KAT6B: variants seen among roughly 807,000 people sequenced by gnomAD.
The protein encoded by KAT6B is histone acetyltransferase KAT6B.
KAT6B carries 10 observed loss-of-function variants against 187.5 expected under a neutral mutation model. The observed-to-expected ratio is 0.05, with a 90% CI of 0.03 to 0.09. KAT6B has a LOEUF of 0.09. Ranked by LOEUF, KAT6B falls within the 10% of genes least tolerant of loss-of-function variation. The pLI is 1.00. For synonymous variants in KAT6B, 861 were observed against 926.8 expected, an observed-to-expected ratio of 0.93 and a Z score of 1.29; for missense variants, 1,952 against 2,558.9, an observed-to-expected ratio of 0.76 and a Z score of 5.12.
chr10:74,848,656 T>G (rs189978719), intron 3 of KAT6B, among the ~76,000 whole-genome samples: 91 of 152,210 alleles, frequency 6.0e-4, no homozygotes, highest in African/African-American at 2.0e-3. Context: ...GCCAAAAGAT[T>G]GGACACTCCT....
chr10:75,018,677 C>G (rs1435786739), intron 13 of KAT6B, among the ~76,000 whole-genome samples: 2 of 152,152 alleles, frequency 1.3e-5, no homozygotes, highest in Non-Finnish European at 2.9e-5. Context: ...GGGGCACATA[C>G]CACCTTGGTA....
intron 13 of KAT6B, among the ~76,000 whole-genome samples, chr10:74,995,765 CA>C (rs1331654594): frequency 6.6e-6 from 1 of 152,166 alleles, no homozygotes; most frequent in Non-Finnish European, 1.5e-5. Flanking sequence ...CAATATTTTG[CA>C]GTTTAAAAAG....
At chr10:75,010,019 T>C (rs566429307) in intron 13 of KAT6B, among the ~76,000 whole-genome samples, 9 of 152,048 alleles carry the variant, frequency 5.9e-5, no homozygotes, top group African/African-American at 2.2e-4. Flanking sequence ...AAAAGCTAAG[T>C]CCCTACATGA....
In KAT6B at chr10:75,030,099, C is replaced by T; in HGVS notation, c.5275C>T (p.Pro1759Ser). The stretch of plus-strand genomic sequence containing the variant: ...TCCTCAAGGCTGTGTGGTGGAGAGG[C>T]CTCCGAGCAGCAGCCAGCAGCTGGC... Reference protein sequence around the residue: ...KSPQGCVVERPPSSSQQLAQC... With the variant: ...KSPQGCVVERSPSSSQQLAQC... The change falls in exon 18 of 18, where the codon CCT (proline) becomes TCT (serine). Residue 1759 changes from proline (P) to serine (S), a missense_variant. Pro to Ser is a moderately conservative substitution (Grantham distance 74). Transcript: ENST00000287239. This position sits in a 1 kb window ranked among gnomAD's most constrained non-coding sequence, Gnocchi z 4.8. 1 of 1,614,244 alleles carries T rather than the reference C, an allele frequency of 6.2e-7. No homozygotes were observed. The highest frequency in any genetic ancestry group is 8.5e-7 in the Non-Finnish European group (1 of 1,180,034).
At chr10:75,021,025 T>A in intron 14 of KAT6B, 101 bp from the exon 15 acceptor site, 1 of 1,228,790 alleles carries the variant, frequency 8.1e-7, no homozygotes, top group Non-Finnish European at 1.2e-6. Flanking sequence ...TTCTGATTTT[T>A]CCTAACGCAG....
In KAT6B at chr10:75,029,012, C is replaced by T. The variant is rs780799789; in HGVS notation, c.4188C>T (p.Ser1396=). The T allele has an allele frequency of 4.2e-5, 68 of 1,613,740 alleles. No homozygotes were observed. The highest frequency in any genetic ancestry group is 5.5e-5 in the Non-Finnish European group (65 of 1,179,976). The change falls in exon 18 of 18, where the codon TCC becomes TCT. Residue 1396 remains serine (S), a synonymous_variant. Coordinates refer to ENST00000287239, the MANE Select transcript of KAT6B (RefSeq NM_012330.4). The surrounding 1 kb of genome is among the most constrained non-coding windows in gnomAD (Gnocchi z 6.2). ...AAGAAAAAGAGGAACCAGAAATCTC[C>T]ACGGAAAAAGAAGACTCTGCACGTT... The part of the protein sequence containing the change: ...KSQEKEEPEI[S]TEKEDSARLD...
intron 3 of KAT6B, among the ~76,000 whole-genome samples, chr10:74,883,269 C>A (rs11813058): frequency 0.1 from 15,740 of 152,146 alleles, 1,883 homozygotes; most frequent in African/African-American, 0.29. Context: ...TGAGGATTAC[C>A]TGTCTTATTA....
intron 13 of KAT6B, among the ~76,000 whole-genome samples, chr10:75,018,477 T>C (rs891095102): frequency 6.6e-6 from 1 of 152,208 alleles, no homozygotes; most frequent in African/African-American, 2.4e-5. Flanking sequence ...CCATTTAGGC[T>C]CAGGCCCTGA....
At chr10:74,942,657 C>T (rs756821333) in intron 3 of KAT6B, among the ~76,000 whole-genome samples, 9 of 147,630 alleles carry the variant, frequency 6.1e-5, no homozygotes, top group Admixed American at 4.8e-4. Flanking sequence ...CCCAGCTACT[C>T]GGGAGGCCGA....
At chr10:74,959,900 C>T (rs2133518303) in intron 3 of KAT6B, 70 bp from the exon 4 acceptor site, 1 of 1,056,094 alleles carries the variant, frequency 9.5e-7, no homozygotes, top group East Asian at 2.4e-5. Flanking sequence ...ATGTAAAAAG[C>T]TTTTGATTTT....
intron 3 of KAT6B, among the ~76,000 whole-genome samples, chr10:74,940,686 A>G (rs1238960878): frequency 6.6e-6 from 1 of 151,602 alleles, no homozygotes; most frequent in Admixed American, 6.6e-5. Flanking sequence ...GCTTCAAGCA[A>G]TCCTCCCACC....
At chr10:74,958,914 TG>T (rs889160181) in intron 3 of KAT6B, among the ~76,000 whole-genome samples, 1 of 152,022 alleles carries the variant, frequency 6.6e-6, no homozygotes, top group African/African-American at 2.4e-5. Flanking sequence ...GGCACGCGCC[TG>T]TAGTCCCAGC....
intron 3 of KAT6B, among the ~76,000 whole-genome samples, chr10:74,871,185 CTTTTTTT>C (rs746074814): frequency 2.6e-3 from 202 of 76,738 alleles, no homozygotes; most frequent in Non-Finnish European, 4.0e-3. Context: ...CAAGCCTGGC[CTTTTTTT>C]TTTTTTTTTT....
intron 3 of KAT6B, among the ~76,000 whole-genome samples, chr10:74,955,879 A>G (rs767920228): frequency 1.3e-5 from 2 of 152,126 alleles, no homozygotes; most frequent in Non-Finnish European, 2.9e-5. Flanking sequence ...TTATATTTAT[A>G]TTTAGTTTTC....
chr10:74,974,617 GCAGAACCAGGGTA>G (rs1197285406), intron 7 of KAT6B, among the ~76,000 whole-genome samples: 1 of 152,170 alleles, frequency 6.6e-6, no homozygotes, highest in African/African-American at 2.4e-5. Context: ...AACAGTATGG[GCAGAACCAGGGTA>G]CAAAGATTCT....
intron 13 of KAT6B, among the ~76,000 whole-genome samples, chr10:75,002,532 A>C (rs972903445): frequency 4.6e-5 from 7 of 152,180 alleles, no homozygotes; most frequent in African/African-American, 1.7e-4. Context: ...TGAACATCAT[A>C]GTGTATGTAC....
At chr10:74,958,812 G>T (rs1212938882) in intron 3 of KAT6B, among the ~76,000 whole-genome samples, 1 of 151,854 alleles carries the variant, frequency 6.6e-6, no homozygotes, top group African/African-American at 2.4e-5. Flanking sequence ...GGCTGAGGCG[G>T]GCGGATCATG....
chr10:74,948,766 A>G (rs907578679), intron 3 of KAT6B, among the ~76,000 whole-genome samples: 16 of 152,158 alleles, frequency 1.1e-4, no homozygotes, highest in Non-Finnish European at 1.9e-4. Flanking sequence ...TAATCTATGC[A>G]TTACTATTTT....
intron 10 of KAT6B, among the ~76,000 whole-genome samples, chr10:74,980,281 A>G (rs1842426754): frequency 6.6e-6 from 1 of 152,260 alleles, no homozygotes; most frequent in East Asian, 1.9e-4. Context: ...TGTCTTCCAT[A>G]AAGTATGTCA....
Sources: gnomAD v4.1 joint callset for allele counts (sites outside exome capture counted in the v4.1 genomes callset) on GRCh38, gnomAD v4.1.1 for gene constraint, Gnocchi (gnomAD v3.1) non-coding constraint, MANE v1.5 for transcripts, NCBI Gene and HGNC (gene_info 2026-07-23, HGNC 2026-07-21) for gene names.